The following DISP1 variants were observed in gnomAD, a reference collection of about 807,000 sequenced individuals.
The protein encoded by DISP1 is dispatched RND transporter family member 1.
A neutral mutation model predicts 37.3 loss-of-function variants in DISP1; 30 were observed. That is an observed-to-expected ratio of 0.80 (90% CI 0.60 to 1.09). The LOEUF (loss-of-function observed/expected upper bound fraction) is 1.09, where lower values mean the gene tolerates loss of function less well. Ranked by LOEUF, DISP1 falls within the 50% of genes least tolerant of loss-of-function variation. The pLI is 0.00. For missense variants in DISP1, 1,598 were observed against 1,879.5 expected (o/e 0.85, Z 2.77); for synonymous variants, 634 against 690.2 (o/e 0.92, Z 1.28).
At chr1:222,964,257 C>T (rs965567896) in intron 3 of DISP1, among the ~76,000 whole-genome samples, 1 of 148,646 alleles carries the variant, frequency 6.7e-6, no homozygotes. Flanking sequence ...CAAGATCGCA[C>T]CACTGCACTC....
chr1:222,941,920 T>TC (rs957232127), intron 2 of DISP1, among the ~76,000 whole-genome samples: 3 of 152,018 alleles, frequency 2.0e-5, no homozygotes, highest in Admixed American at 2.0e-4. Flanking sequence ...TGACCCTTTT[T>TC]TTTTTTTTTA....
chr1:222,990,666 G>T lies in DISP1; in HGVS notation c.581G>T (p.Gly194Val). 1 of 1,614,088 alleles carries T rather than the reference G, an allele frequency of 6.2e-7. No homozygotes were observed. The highest frequency in any genetic ancestry group is 8.5e-7 in the Non-Finnish European group (1 of 1,179,980). Residue 194 changes from glycine (G) to valine (V), a missense_variant, in exon 5 of 9, where the codon GGC (glycine) becomes GTC (valine). Coordinates refer to ENST00000675850, the MANE Select transcript of DISP1 (RefSeq NM_001377229.1). The part of the protein sequence containing the change: ...LIADWPVVVL[G>V]MCTMFIVVCA... ...GCCGACTGGCCGGTGGTGGTCTTGG[G>T]CATGTGCACCATGTTCATCGTAGTC...
intron 1 of DISP1, among the ~76,000 whole-genome samples, chr1:222,866,802 C>T (rs1420143575): frequency 1.3e-5 from 2 of 152,150 alleles, no homozygotes; most frequent in Non-Finnish European, 2.9e-5. Flanking sequence ...TGCAGTTTGG[C>T]AAGCTTCTTT....
At chr1:222,952,818 G>C (rs1257868974) in intron 3 of DISP1, among the ~76,000 whole-genome samples, 6 of 152,152 alleles carry the variant, frequency 3.9e-5, no homozygotes, top group African/African-American at 4.8e-5. Context: ...CTGCACTCCA[G>C]CCTGGCGACA....
At position 222,914,999 on chromosome 1, in the gene DISP1, G is replaced by A. The variant is rs931518461; in HGVS notation, c.-158-13431G>A. On this transcript the variant is annotated intron_variant, in intron 1 of 8. Coordinates refer to ENST00000675850, the MANE Select transcript of DISP1 (RefSeq NM_001377229.1). ...TTCATTAAAAAGGAAGGAAGGAAAGGGAAAAAAAGATCATAATAACAATGA... is the reference window on the plus strand; with the variant it reads ...TTCATTAAAAAGGAAGGAAGGAAAGAGAAAAAAAGATCATAATAACAATGA... Among the ~76,000 whole-genome samples, 12 of 151,936 alleles carry A rather than the reference G, an allele frequency of 7.9e-5. No homozygotes were observed. In the Middle Eastern group the frequency reaches 0.01, roughly 130 times the overall value.
chr1:222,947,318 T>G (rs991967319), intron 3 of DISP1, among the ~76,000 whole-genome samples: 7 of 152,228 alleles, frequency 4.6e-5, no homozygotes, highest in African/African-American at 1.7e-4. Flanking sequence ...TCAAGGGTCA[T>G]TCATGTTGTA....
chr1:222,894,685 T>TG (rs1436457222), intron 1 of DISP1, among the ~76,000 whole-genome samples: 1 of 152,014 alleles, frequency 6.6e-6, no homozygotes, highest in Non-Finnish European at 1.5e-5. Flanking sequence ...CCTGGGAGCA[T>TG]GGGGCTCCTG....
chr1:222,882,740 T>G (rs538555235), intron 1 of DISP1, among the ~76,000 whole-genome samples: 1 of 152,292 alleles, frequency 6.6e-6, no homozygotes, highest in South Asian at 2.1e-4. Context: ...ATGATGGAGT[T>G]ATATAAATTC....
intron 2 of DISP1, among the ~76,000 whole-genome samples, chr1:222,928,959 TA>T (rs1558334659): frequency 1.3e-5 from 2 of 152,166 alleles, no homozygotes; most frequent in African/African-American, 4.8e-5. Flanking sequence ...TACCAGGTGA[TA>T]GAAAAATAAA....
intron 3 of DISP1, among the ~76,000 whole-genome samples, chr1:222,970,433 C>T (rs1384908483): frequency 1.3e-5 from 2 of 152,116 alleles, no homozygotes; most frequent in African/African-American, 4.8e-5. Context: ...AATACTAGTT[C>T]TTGCCTACCT....
At chr1:222,883,949 T>TA (rs148444364) in intron 1 of DISP1, among the ~76,000 whole-genome samples, 1,715 of 152,304 alleles carry the variant, frequency 0.011, 27 homozygotes, top group African/African-American at 0.039. Flanking sequence ...CTACTGAACT[T>TA]ACAGCTCTTT....
chr1:222,881,425 T>A (rs1460058795), intron 1 of DISP1, among the ~76,000 whole-genome samples: 1 of 152,120 alleles, frequency 6.6e-6, no homozygotes, highest in Non-Finnish European at 1.5e-5. Flanking sequence ...AAAACCCCCG[T>A]CTTCAGGTGA....
chr1:222,863,268 C>T (rs1436201684), intron 1 of DISP1, among the ~76,000 whole-genome samples: 1 of 131,914 alleles, frequency 7.6e-6, no homozygotes, highest in African/African-American at 2.5e-5. Flanking sequence ...TACCTGTAAT[C>T]TCAGCACTTT....
At chr1:222,957,395 C>T (rs1224793593) in intron 3 of DISP1, among the ~76,000 whole-genome samples, 1 of 152,060 alleles carries the variant, frequency 6.6e-6, no homozygotes, top group African/African-American at 2.4e-5. Context: ...TCAAGACCAG[C>T]CTGACCAACA....
At chr1:222,994,863 C>CTTT in intron 7 of DISP1, 22 bp from the exon 8 acceptor site, 1 of 1,393,930 alleles carries the variant, frequency 7.2e-7, no homozygotes, top group Non-Finnish European at 1.0e-6. Context: ...TTTTTCTTTC[C>CTTT]TTTTTTTTTT....
At chr1:222,892,766 G>A (rs1191910605) in intron 1 of DISP1, among the ~76,000 whole-genome samples, 2 of 152,168 alleles carry the variant, frequency 1.3e-5, no homozygotes, top group African/African-American at 2.4e-5. Flanking sequence ...TGGCAAAACC[G>A]AAATCAGTGC....
intron 1 of DISP1, among the ~76,000 whole-genome samples, chr1:222,882,199 T>A (rs1332489988): frequency 6.6e-6 from 1 of 152,198 alleles, no homozygotes; most frequent in Non-Finnish European, 1.5e-5. Context: ...TATGGAGTGT[T>A]TACCATATGT....
chr1:222,912,118 C>T (rs1406410765), intron 1 of DISP1, among the ~76,000 whole-genome samples: 1 of 151,996 alleles, frequency 6.6e-6, no homozygotes, highest in African/African-American at 2.4e-5. Flanking sequence ...TTCATAAGCT[C>T]TTACTAATGT....
intron 3 of DISP1, among the ~76,000 whole-genome samples, chr1:222,952,363 G>C (rs1675283670): frequency 6.6e-6 from 1 of 152,108 alleles, no homozygotes; most frequent in African/African-American, 2.4e-5. Flanking sequence ...TACCTTTCTT[G>C]GCTCTGTTAA....
Sources: allele counts gnomAD v4.1 joint callset (sites outside exome capture counted in the v4.1 genomes callset), GRCh38; gene constraint gnomAD v4.1.1; transcripts MANE v1.5; gene names NCBI Gene and HGNC (gene_info 2026-07-23, HGNC 2026-07-21).